Variants in SEMA3C observed in about 807,000 individuals in gnomAD.
SEMA3C encodes semaphorin-3C.
In SEMA3C, 47 loss-of-function variants were observed where a neutral mutation model predicts 89.4. That is an observed-to-expected ratio of 0.53 (90% CI 0.42 to 0.67). SEMA3C has a LOEUF of 0.67. Ranked by LOEUF, SEMA3C falls within the 30% of genes least tolerant of loss-of-function variation. The probability of loss-of-function intolerance (pLI) is 0.00; values close to 1 mark genes in which losing one functional copy is unlikely to be tolerated. For synonymous variants in SEMA3C, 310 were observed against 320.2 expected (o/e 0.97, Z 0.34); for missense variants, 839 against 929.1 (o/e 0.90, Z 1.26).
chr7:80,853,265 G>T (rs1168269577), intron 2 of SEMA3C, among the ~76,000 whole-genome samples: 1 of 152,048 alleles, frequency 6.6e-6, no homozygotes, highest in Non-Finnish European at 1.5e-5. Context: ...CCCATTGCTG[G>T]GTACATATGC....
intron 17 of SEMA3C, among the ~76,000 whole-genome samples, chr7:80,746,015 C>T (rs575114144): frequency 1.2e-3 from 178 of 152,212 alleles, no homozygotes; most frequent in Middle Eastern, 3.4e-3. Context: ...TGATTGTTTA[C>T]TGGGTATCAG....
At chr7:80,906,262 C>G (rs1792013673) in intron 2 of SEMA3C, among the ~76,000 whole-genome samples, 2 of 152,110 alleles carry the variant, frequency 1.3e-5, no homozygotes. Context: ...TCTTTTTACC[C>G]AGAAGCAATA....
At chr7:80,758,126 T>C (rs1788104727) in intron 15 of SEMA3C, among the ~76,000 whole-genome samples, 1 of 152,214 alleles carries the variant, frequency 6.6e-6, no homozygotes, top group Non-Finnish European at 1.5e-5. Flanking sequence ...AGTACTGTAC[T>C]CTGGATTTAC....
At chr7:80,754,957 G>GTTTTTTTTTTTTTT (rs1368382376) in intron 15 of SEMA3C, among the ~76,000 whole-genome samples, 3 of 108,358 alleles carry the variant, frequency 2.8e-5, no homozygotes, top group South Asian at 3.3e-4. Context: ...GTTTTTTTTT[G>GTTTTTTTTTTTTTT]TTTTTTTTTT....
chr7:80,779,028 T>C (rs1237504079), intron 12 of SEMA3C, among the ~76,000 whole-genome samples: 1 of 152,206 alleles, frequency 6.6e-6, no homozygotes, highest in East Asian at 1.9e-4. Flanking sequence ...ACATTGCTAA[T>C]GACTCCCAGA....
intron 15 of SEMA3C, among the ~76,000 whole-genome samples, chr7:80,755,468 G>C (rs1259850405): frequency 6.6e-6 from 1 of 150,906 alleles, no homozygotes; most frequent in Non-Finnish European, 1.5e-5. Context: ...GTCAAAACAA[G>C]TCTTTGCTGA....
At chr7:80,903,112 C>T (rs1435239132) in intron 2 of SEMA3C, among the ~76,000 whole-genome samples, 1 of 152,170 alleles carries the variant, frequency 6.6e-6, no homozygotes, top group African/African-American at 2.4e-5. Context: ...TGCAGTCACG[C>T]ATCCCTTAAC....
intron 15 of SEMA3C, among the ~76,000 whole-genome samples, chr7:80,752,865 C>T (rs1055421594): frequency 6.6e-6 from 1 of 152,008 alleles, no homozygotes; most frequent in African/African-American, 2.4e-5. Flanking sequence ...ACTATCAACA[C>T]CGAAAAGTAT....
chr7:80,890,065 T>C (rs1312721343), intron 2 of SEMA3C, among the ~76,000 whole-genome samples: 1 of 152,196 alleles, frequency 6.6e-6, no homozygotes. Flanking sequence ...GTCCAACATA[T>C]TGAAGGGACT....
intron 4 of SEMA3C, among the ~76,000 whole-genome samples, chr7:80,823,973 C>T (rs921933524): frequency 2.6e-5 from 4 of 152,014 alleles, no homozygotes; most frequent in African/African-American, 7.2e-5. Flanking sequence ...GCAGAAAATC[C>T]GACCATGAAA....
chr7:80,815,159 T>C (rs182517875), intron 5 of SEMA3C, among the ~76,000 whole-genome samples: 26 of 152,094 alleles, frequency 1.7e-4, no homozygotes, highest in African/African-American at 6.3e-4. Context: ...TGAGAGAAAA[T>C]AATAGAGAGT....
intron 5 of SEMA3C, 126 bp downstream of exon 5, chr7:80,818,173 T>C: frequency 1.1e-6 from 1 of 887,224 alleles, no homozygotes; most frequent in Non-Finnish European, 1.6e-6. Flanking sequence ...TGTAATATAG[T>C]TTGTATTTAA....
At chr7:80,879,030 G>A (rs1200437995) in intron 2 of SEMA3C, among the ~76,000 whole-genome samples, 1 of 152,100 alleles carries the variant, frequency 6.6e-6, no homozygotes, top group Non-Finnish European at 1.5e-5. Context: ...ATGTGGCAAT[G>A]AAGATGCAGA....
At chr7:80,822,296 A>G (rs1020788303) in intron 4 of SEMA3C, among the ~76,000 whole-genome samples, 1 of 152,042 alleles carries the variant, frequency 6.6e-6, no homozygotes, top group Non-Finnish European at 1.5e-5. Context: ...TAAAGATTTG[A>G]GTAGAGGTGA....
chr7:80,749,374 A>G (rs1057006607), intron 16 of SEMA3C, among the ~76,000 whole-genome samples: 1 of 152,194 alleles, frequency 6.6e-6, no homozygotes, highest in Non-Finnish European at 1.5e-5. Flanking sequence ...TTCACAGCTG[A>G]GCAAACTGAG....
chr7:80,870,503 A>C (rs567310301), intron 2 of SEMA3C, among the ~76,000 whole-genome samples: 1 of 152,330 alleles, frequency 6.6e-6, no homozygotes, highest in South Asian at 2.1e-4. Flanking sequence ...ATCCTCCTTG[A>C]AACTAGCCTC....
chr7:80,898,826 A>C (rs1400369555), intron 2 of SEMA3C, among the ~76,000 whole-genome samples: 1 of 138,536 alleles, frequency 7.2e-6, no homozygotes. Flanking sequence ...TGTTTGACCA[A>C]AAAAAAAAAA....
chr7:80,894,532 T>C (rs905162642), intron 2 of SEMA3C, among the ~76,000 whole-genome samples: 1 of 152,144 alleles, frequency 6.6e-6, no homozygotes, highest in Non-Finnish European at 1.5e-5. Flanking sequence ...GTTTCCAAGG[T>C]AACGGGATTT....
chr7:80,833,923 T>C (rs1294583028), intron 2 of SEMA3C, among the ~76,000 whole-genome samples: 2 of 152,186 alleles, frequency 1.3e-5, no homozygotes, highest in African/African-American at 4.8e-5. Flanking sequence ...AGAAAGTGAC[T>C]GATGTAATGA....
Sources: gnomAD v4.1 joint callset for allele counts (sites outside exome capture counted in the v4.1 genomes callset) on GRCh38, gnomAD v4.1.1 for gene constraint, MANE v1.5 for transcripts, NCBI Gene and HGNC (gene_info 2026-07-23, HGNC 2026-07-21) for gene names.